The following KCNMB2 variants were observed in gnomAD, a reference collection of about 807,000 sequenced individuals.
KCNMB2 encodes the protein potassium calcium-activated channel subfamily M regulatory beta subunit 2, also known as calcium-activated potassium channel subunit beta-2.
KCNMB2 carries 9 observed loss-of-function variants against 24.5 expected under a neutral mutation model. That is an observed-to-expected ratio of 0.37 (90% CI 0.22 to 0.64). The LOEUF is 0.64. Among genes scored for constraint, KCNMB2 ranks in the 30% least tolerant of loss-of-function variants. KCNMB2 has a pLI of 0.63. For synonymous variants in KCNMB2, 109 were observed against 104.4 expected, an observed-to-expected ratio of 1.04 and a Z score of -0.27; for missense variants, 226 against 284.3, an observed-to-expected ratio of 0.79 and a Z score of 1.47.
intron 1 of KCNMB2, among the ~76,000 whole-genome samples, chr3:178,701,049 G>T (rs1234678096): frequency 3.3e-5 from 5 of 152,218 alleles, no homozygotes; most frequent in African/African-American, 9.6e-5. Context: ...TGTCCTGAAT[G>T]GTATTGCCTA....
intron 3 of KCNMB2, 90 bp from the exon 4 acceptor site, chr3:178,828,088 C>A: frequency 1.0e-6 from 1 of 1,001,578 alleles, no homozygotes; most frequent in Non-Finnish European, 1.5e-6. Context: ...GATTTTTCAG[C>A]TTCAGGAGAT....
At chr3:178,695,916 T>C (rs1233011134) in intron 1 of KCNMB2, among the ~76,000 whole-genome samples, 1 of 152,208 alleles carries the variant, frequency 6.6e-6, no homozygotes, top group African/African-American at 2.4e-5. Context: ...TTTGGTATCA[T>C]TATAGCAGCA....
chr3:178,552,384 C>G (rs374865594), intron 1 of KCNMB2, among the ~76,000 whole-genome samples: 4 of 151,874 alleles, frequency 2.6e-5, no homozygotes, highest in African/African-American at 4.8e-5. Context: ...AATTAAACCC[C>G]CCCCCAAAAT....
intron 1 of KCNMB2, among the ~76,000 whole-genome samples, chr3:178,730,102 C>T (rs147805713): frequency 0.012 from 1,886 of 152,228 alleles, 41 homozygotes; most frequent in South Asian, 0.1. Flanking sequence ...CACTCATTGG[C>T]CTCAACCAAC....
At chr3:178,574,759 C>A (rs975612331) in intron 1 of KCNMB2, among the ~76,000 whole-genome samples, 3 of 152,150 alleles carry the variant, frequency 2.0e-5, no homozygotes, top group African/African-American at 7.2e-5. Flanking sequence ...ATACAATGTA[C>A]ACAATTTAAA....
intron 1 of KCNMB2, among the ~76,000 whole-genome samples, chr3:178,771,445 T>C (rs1712347493): frequency 6.6e-6 from 1 of 151,310 alleles, no homozygotes; most frequent in Non-Finnish European, 1.5e-5. Flanking sequence ...TCTGGCTTCC[T>C]GCTGACTTTC....
In KCNMB2 at chr3:178,757,997, ATCTAGATATATATATATATATAT is replaced by A. The variant is rs1456229582; in HGVS notation, c.-67-49345_-67-49323del. On this transcript the variant is annotated intron_variant, in intron 1 of 4. Coordinates refer to ENST00000452583, the MANE Select transcript of KCNMB2 (RefSeq NM_181361.3). ...TAGACACAAGAGGATATATATATAT[ATCTAGATATATATATATATATAT>A]CTAGAGGATATATATATATATCTAG... Among the ~76,000 whole-genome samples, 11 of 1,916 alleles carry A rather than the reference ATCTAGATATATATATATATATAT, an allele frequency of 5.7e-3. 2 individuals carry two copies. Among genetic ancestry groups the A allele is most frequent in the South Asian group, 0.1 (1 of 10 alleles). The allele number at this position is 1,916 out of a possible 152,430, so 1.3% of individuals were successfully genotyped here.
intron 1 of KCNMB2, among the ~76,000 whole-genome samples, chr3:178,806,901 G>A (rs1713993031): frequency 1.3e-5 from 2 of 152,098 alleles, no homozygotes; most frequent in African/African-American, 4.8e-5. Flanking sequence ...TCACCAACAT[G>A]TCACACTTGT....
chr3:178,784,463 T>C (rs1430810535), intron 1 of KCNMB2, among the ~76,000 whole-genome samples: 3 of 152,196 alleles, frequency 2.0e-5, no homozygotes, highest in East Asian at 1.9e-4. Flanking sequence ...AGAATCTATA[T>C]GCTACAAAAT....
At chr3:178,587,519 G>A (rs952508952) in intron 1 of KCNMB2, among the ~76,000 whole-genome samples, 7 of 151,906 alleles carry the variant, frequency 4.6e-5, no homozygotes, top group African/African-American at 1.5e-4. Flanking sequence ...CGCCTCCCGG[G>A]TTCAAGTGAT....
At chr3:178,640,394 G>T (rs1719680198) in intron 1 of KCNMB2, among the ~76,000 whole-genome samples, 1 of 152,114 alleles carries the variant, frequency 6.6e-6, no homozygotes, top group Admixed American at 6.6e-5. Flanking sequence ...AGGGTGAAGT[G>T]CTACACACTT....
intron 4 of KCNMB2, among the ~76,000 whole-genome samples, chr3:178,834,408 A>G (rs1057319769): frequency 1.3e-5 from 2 of 152,240 alleles, no homozygotes; most frequent in Non-Finnish European, 2.9e-5. Context: ...AATAAAGACA[A>G]GAGTTCTGAA....
At chr3:178,624,598 CTTT>C (rs1553822970) in intron 1 of KCNMB2, among the ~76,000 whole-genome samples, 1 of 38,768 alleles carries the variant, frequency 2.6e-5, no homozygotes, top group Non-Finnish European at 5.6e-5. Flanking sequence ...TTTTTTCTTT[CTTT>C]TTTTTTTTTT....
At chr3:178,765,622 T>C (rs1373497037) in intron 1 of KCNMB2, among the ~76,000 whole-genome samples, 3 of 152,232 alleles carry the variant, frequency 2.0e-5, no homozygotes, top group Non-Finnish European at 4.4e-5. Context: ...AATTTGTGTG[T>C]GTGTGTGCAC....
At chr3:178,710,312 C>G (rs1722408420) in intron 1 of KCNMB2, among the ~76,000 whole-genome samples, 1 of 152,102 alleles carries the variant, frequency 6.6e-6, no homozygotes, top group Non-Finnish European at 1.5e-5. Context: ...TTCTGAACTT[C>G]CCTTGAGGTT....
At chr3:178,631,664 C>A (rs1317144464) in intron 1 of KCNMB2, among the ~76,000 whole-genome samples, 1 of 152,194 alleles carries the variant, frequency 6.6e-6, no homozygotes, top group Non-Finnish European at 1.5e-5. Context: ...AAATTCAAAT[C>A]TCAGGTGTGC....
At chr3:178,621,998 T>A (rs1490954707) in intron 1 of KCNMB2, among the ~76,000 whole-genome samples, 1 of 152,224 alleles carries the variant, frequency 6.6e-6, no homozygotes, top group African/African-American at 2.4e-5. Context: ...TCAAGCAAGT[T>A]GTTTAAGCTC....
At chr3:178,591,088 C>T (rs371819035) in intron 1 of KCNMB2, among the ~76,000 whole-genome samples, 2 of 152,090 alleles carry the variant, frequency 1.3e-5, no homozygotes, top group African/African-American at 2.4e-5. Flanking sequence ...TAATCTGCAA[C>T]GGAGAGGAAG....
intron 1 of KCNMB2, among the ~76,000 whole-genome samples, chr3:178,606,738 G>C (rs1200984607): frequency 6.6e-6 from 1 of 152,150 alleles, no homozygotes; most frequent in Non-Finnish European, 1.5e-5. Flanking sequence ...AAATTCATAA[G>C]TTAAAATCCT....
Sources: allele counts gnomAD v4.1 joint callset (sites outside exome capture counted in the v4.1 genomes callset), GRCh38; gene constraint gnomAD v4.1.1; transcripts MANE v1.5; gene names NCBI Gene and HGNC (gene_info 2026-07-23, HGNC 2026-07-21).